Variants in HERC3 observed in about 807,000 individuals in gnomAD.
HERC3 encodes probable E3 ubiquitin-protein ligase HERC3.
In HERC3, 58 loss-of-function variants were observed where a neutral mutation model predicts 129.9. The observed-to-expected ratio is 0.45, with a 90% CI of 0.36 to 0.56. The LOEUF (loss-of-function observed/expected upper bound fraction) is 0.56. HERC3 is among the 20% of genes least tolerant of loss of function. The pLI is 0.00. For missense variants in HERC3, 835 were observed against 1,244.2 expected (o/e 0.67, Z 4.95); for synonymous variants, 430 against 451.0 (o/e 0.95, Z 0.59).
chr4:88,586,386 T>C, the HERC3 span, among the ~76,000 whole-genome samples: 2 of 150,890 alleles, frequency 1.3e-5, no homozygotes, highest in East Asian at 3.9e-4. Context: ...GAGACGGAGT[T>C]TCGCTCTTGT....
intron 3 of HERC3, among the ~76,000 whole-genome samples, chr4:88,617,510 T>C (rs1725039897): frequency 6.6e-6 from 1 of 152,210 alleles, no homozygotes; most frequent in South Asian, 2.1e-4. Flanking sequence ...TGAAATTAAG[T>C]AGATTGTGCT....
At chr4:88,593,590 A>G (rs1721996499) in intron 1 of HERC3, 1 of 152,208 alleles carries the variant, frequency 6.6e-6, no homozygotes, top group African/African-American at 2.4e-5. Context: ...GGAAGTACCT[A>G]ATTCAGAGAA....
chr4:88,638,490 C>G (rs927634317), intron 3 of HERC3, among the ~76,000 whole-genome samples: 3 of 152,122 alleles, frequency 2.0e-5, no homozygotes, highest in Admixed American at 1.3e-4. Context: ...ATGATAAAAC[C>G]ATATGATTAT....
intron 23 of HERC3, chr4:88,689,843 G>C (rs1733886694): frequency 4.1e-6 from 1 of 245,422 alleles, no homozygotes; most frequent in African/African-American, 2.3e-5. Context: ...CTCCCAAAGT[G>C]CTGGGATTAC....
chr4:88,689,759 G>A (rs1733878283), intron 23 of HERC3, among the ~76,000 whole-genome samples: 1 of 151,880 alleles, frequency 6.6e-6, no homozygotes, highest in Non-Finnish European at 1.5e-5. Context: ...TGTATTTTTA[G>A]TAGAGATGGG....
the HERC3 span, among the ~76,000 whole-genome samples, chr4:88,550,997 T>G: frequency 1.3e-5 from 2 of 148,500 alleles, no homozygotes; most frequent in Admixed American, 6.8e-5. Context: ...TACAACTATC[T>G]GATCTTTGAC....
intron 12 of HERC3, 150 bp downstream of exon 12, chr4:88,664,362 T>C (rs905106100): frequency 8.0e-6 from 5 of 622,888 alleles, no homozygotes; most frequent in African/African-American, 5.6e-5. Flanking sequence ...AATTCCAGCC[T>C]GGACAACATA....
At chr4:88,670,390 C>T in intron 16 of HERC3, 138 bp downstream of exon 16, 1 of 616,300 alleles carries the variant, frequency 1.6e-6, no homozygotes, top group Non-Finnish European at 2.9e-6. Context: ...ATTCTAGAAA[C>T]TTGGAAGTGC....
intron 16 of HERC3, among the ~76,000 whole-genome samples, chr4:88,674,628 A>G (rs568949771): frequency 1.3e-5 from 2 of 152,322 alleles, no homozygotes; most frequent in South Asian, 4.1e-4. Context: ...TATCTTTTGT[A>G]GGTACCTAGA....
chr4:88,644,242 A>G (rs1419990395), intron 3 of HERC3, among the ~76,000 whole-genome samples: 2 of 152,152 alleles, frequency 1.3e-5, no homozygotes, highest in African/African-American at 4.8e-5. Flanking sequence ...TTTTTTTTAA[A>G]TAAACATATA....
the HERC3 span, among the ~76,000 whole-genome samples, chr4:88,543,673 G>A: frequency 6.6e-6 from 1 of 152,216 alleles, no homozygotes; most frequent in African/African-American, 2.4e-5. Context: ...CACACTACCT[G>A]ACTTCAAACT....
intron 23 of HERC3, among the ~76,000 whole-genome samples, chr4:88,694,351 G>A (rs1199281329): frequency 6.6e-6 from 1 of 152,150 alleles, no homozygotes; most frequent in Non-Finnish European, 1.5e-5. Flanking sequence ...TCTTCATTAT[G>A]TTTATGACTA....
the HERC3 span, among the ~76,000 whole-genome samples, chr4:88,574,574 C>T: frequency 6.6e-6 from 1 of 152,216 alleles, no homozygotes; most frequent in African/African-American, 2.4e-5. Context: ...CATTAAACAA[C>T]CACTCTCCAT....
intron 24 of HERC3, 51 bp from the exon 25 acceptor site, chr4:88,704,457 C>A: frequency 7.6e-7 from 1 of 1,324,004 alleles, no homozygotes; most frequent in Non-Finnish European, 1.1e-6. Flanking sequence ...ATAATGTCCA[C>A]TATAATATTC....
chr4:88,693,538 A>G, intron 23 of HERC3: 1 of 957,934 alleles, frequency 1.0e-6, no homozygotes, highest in Non-Finnish European at 1.2e-6. Flanking sequence ...TTTGTTTAAA[A>G]AATGAATTAA....
chr4:88,595,002 T>C (rs1269274494), intron 1 of HERC3, among the ~76,000 whole-genome samples: 5 of 146,292 alleles, frequency 3.4e-5, no homozygotes, highest in Admixed American at 7.2e-5. Flanking sequence ...CTTGGGAGGC[T>C]GAGGCAGGAG....
chr4:88,638,358 A>G (rs2149252613), intron 3 of HERC3, among the ~76,000 whole-genome samples: 1 of 152,356 alleles, frequency 6.6e-6, no homozygotes, highest in South Asian at 2.1e-4. Context: ...ATACTGGCAA[A>G]CCAAATCCAG....
chr4:88,703,283 T>TG (rs1477878153), intron 23 of HERC3, among the ~76,000 whole-genome samples: 1 of 152,124 alleles, frequency 6.6e-6, no homozygotes, highest in African/African-American at 2.4e-5. Flanking sequence ...TCCACTCCTC[T>TG]GCTTGATTTT....
chr4:88,601,300 A>G (rs1423595630), intron 2 of HERC3, among the ~76,000 whole-genome samples: 1 of 152,246 alleles, frequency 6.6e-6, no homozygotes, highest in Non-Finnish European at 1.5e-5. Context: ...TAAAATTGGT[A>G]TATACCAATT....
Sources: allele counts gnomAD v4.1 joint callset (sites outside exome capture counted in the v4.1 genomes callset), GRCh38; gene constraint gnomAD v4.1.1; transcripts MANE v1.5; gene names NCBI Gene and HGNC (gene_info 2026-07-23, HGNC 2026-07-21).